The following NTM variants were observed in gnomAD, a reference collection of about 807,000 sequenced individuals.
NTM encodes the protein neurotrimin, also known as IgLON family member 2.
Under a neutral mutation model 42.1 loss-of-function variants are expected in NTM, and 13 were observed. The observed-to-expected ratio is 0.31, with a 90% CI of 0.20 to 0.49. NTM has a LOEUF of 0.49. Among genes scored for constraint, NTM ranks in the 20% least tolerant of loss-of-function variants. The pLI is 0.99. For synonymous variants in NTM, 187 were observed against 179.2 expected (o/e 1.04, Z -0.35); for missense variants, 373 against 452.8 (o/e 0.82, Z 1.60).
chr11:131,640,113 CTT>C (rs2064956686), intron 1 of NTM, among the ~76,000 whole-genome samples: 1 of 152,162 alleles, frequency 6.6e-6, no homozygotes, highest in Non-Finnish European at 1.5e-5. Flanking sequence ...CTGAGAACGT[CTT>C]TTTGTTTTCT....
chr11:132,308,603 A>C (rs2095176303), intron 5 of NTM, among the ~76,000 whole-genome samples: 1 of 151,864 alleles, frequency 6.6e-6, no homozygotes, highest in Admixed American at 6.6e-5. Flanking sequence ...AATAGAACTC[A>C]ATAACTAAAT....
At chr11:131,676,737 G>A (rs1215852467) in intron 1 of NTM, among the ~76,000 whole-genome samples, 1 of 152,114 alleles carries the variant, frequency 6.6e-6, no homozygotes, top group Non-Finnish European at 1.5e-5. Context: ...TGTAATAAAA[G>A]TAGTGTATTG....
chr11:131,650,602 T>C (rs752126821), intron 1 of NTM, among the ~76,000 whole-genome samples: 1 of 152,188 alleles, frequency 6.6e-6, no homozygotes, highest in Non-Finnish European at 1.5e-5. Flanking sequence ...TGTGCCTGGC[T>C]CACAGAAAGT....
Position 132,241,682 on chromosome 11 carries a change from CT to C in NTM, c.526+29536del, listed in dbSNP as rs1489779265. On this transcript the variant is annotated intron_variant, in intron 4 of 8. Coordinates refer to ENST00000683400, the MANE Select transcript of NTM (RefSeq NM_001352005.2). ...AATGAATTGTTCCGTACTCCTAATA[CT>C]AAAAATATCTGTGATATAGATGTAA... is the stretch of plus-strand genomic sequence containing the variant. 1.6e-3 allele frequency among the ~76,000 whole-genome samples: 241 copies of C among 152,308 alleles called. 4 individuals carry two copies. The highest frequency in any genetic ancestry group is 2.6e-4 in the Non-Finnish European group (18 of 68,036).
intron 1 of NTM, among the ~76,000 whole-genome samples, chr11:131,592,205 G>C (rs1009177309): frequency 1.3e-5 from 2 of 152,140 alleles, no homozygotes; most frequent in Admixed American, 6.5e-5. Context: ...CAGAATTACT[G>C]GGCTCTGCTA....
At chr11:131,606,751 C>T (rs1305781909) in intron 1 of NTM, among the ~76,000 whole-genome samples, 2 of 152,026 alleles carry the variant, frequency 1.3e-5, no homozygotes, top group Non-Finnish European at 2.9e-5. Context: ...TGTAGGGCAA[C>T]AAAGAGCAAT....
At chr11:132,332,441 A>T (rs1337201221) in intron 8 of NTM, 1 of 152,190 alleles carries the variant, frequency 6.6e-6, no homozygotes, top group Non-Finnish European at 1.5e-5. Flanking sequence ...CTTTTCCCAG[A>T]TATACTACAA....
chr11:132,183,675 T>C (rs1027616335), intron 3 of NTM, among the ~76,000 whole-genome samples: 3 of 152,116 alleles, frequency 2.0e-5, no homozygotes, highest in Admixed American at 6.5e-5. Flanking sequence ...CTTCTCTAGG[T>C]CTACCTGGTC....
intron 1 of NTM, among the ~76,000 whole-genome samples, chr11:131,858,229 C>A (rs536294081): frequency 1.3e-5 from 2 of 152,236 alleles, no homozygotes; most frequent in African/African-American, 4.8e-5. Context: ...ATTGGCTCTG[C>A]TTCTGTTAGT....
At chr11:132,010,260 A>G (rs538204857) in intron 2 of NTM, among the ~76,000 whole-genome samples, 6 of 152,352 alleles carry the variant, frequency 3.9e-5, no homozygotes, top group African/African-American at 1.2e-4. Context: ...TTCAAACTCA[A>G]CTTATGTATG....
At chr11:131,925,245 A>G (rs695127) in intron 2 of NTM, among the ~76,000 whole-genome samples, 121,051 of 152,078 alleles carry the variant, frequency 0.8, 48,314 homozygotes, top group East Asian at 0.94. Flanking sequence ...TTGTGCCAGA[A>G]GTATTCTAAT....
intron 1 of NTM, among the ~76,000 whole-genome samples, chr11:131,463,417 T>C (rs1278727237): frequency 6.6e-6 from 1 of 152,196 alleles, no homozygotes; most frequent in African/African-American, 2.4e-5. Context: ...GCCAAACGCT[T>C]GACTGCCATT....
intron 2 of NTM, among the ~76,000 whole-genome samples, chr11:131,994,291 G>A (rs1361258596): frequency 6.6e-6 from 1 of 152,146 alleles, no homozygotes; most frequent in African/African-American, 2.4e-5. Context: ...AACATTCTGA[G>A]GGGTGGGAAG....
chr11:131,856,259 G>A (rs896371973), intron 1 of NTM, among the ~76,000 whole-genome samples: 5 of 152,066 alleles, frequency 3.3e-5, no homozygotes, highest in Admixed American at 2.6e-4. Flanking sequence ...GTATGGAAAT[G>A]TCCTTAAAAA....
intron 1 of NTM, among the ~76,000 whole-genome samples, chr11:131,503,428 CAG>C (rs1421291112): frequency 1.3e-5 from 2 of 151,956 alleles, no homozygotes; most frequent in Non-Finnish European, 2.9e-5. Flanking sequence ...CGAGGAGGGT[CAG>C]AGACAGCAGA....
intron 1 of NTM, among the ~76,000 whole-genome samples, chr11:131,604,742 G>A (rs1483108094): frequency 6.7e-6 from 1 of 149,326 alleles, no homozygotes; most frequent in Non-Finnish European, 1.5e-5. Context: ...GGGTGGGGGA[G>A]TAAGAATCCC....
chr11:132,198,630 C>G (rs1411317236), intron 3 of NTM, among the ~76,000 whole-genome samples: 1 of 152,178 alleles, frequency 6.6e-6, no homozygotes, highest in Non-Finnish European at 1.5e-5. Flanking sequence ...AGGATTGGAG[C>G]CTGAGTCTAC....
intron 2 of NTM, among the ~76,000 whole-genome samples, chr11:132,042,682 A>G (rs1477933816): frequency 6.6e-6 from 1 of 152,250 alleles, no homozygotes; most frequent in East Asian, 1.9e-4. Context: ...CGCAGACATC[A>G]TGGTCAGAAA....
At chr11:131,480,032 A>T (rs1276917293) in intron 1 of NTM, among the ~76,000 whole-genome samples, 2 of 151,958 alleles carry the variant, frequency 1.3e-5, no homozygotes, top group Non-Finnish European at 2.9e-5. Context: ...TACTGATCCT[A>T]GCTTTATTTA....
Sources: allele counts gnomAD v4.1 joint callset (sites outside exome capture counted in the v4.1 genomes callset), GRCh38; gene constraint gnomAD v4.1.1; transcripts MANE v1.5; gene names NCBI Gene and HGNC (gene_info 2026-07-23, HGNC 2026-07-21).